Variants in SAXO1 observed in about 807,000 individuals in gnomAD.
SAXO1 encodes 4930500O09Rik.
A neutral mutation model predicts 17.5 loss-of-function variants in SAXO1; 21 were observed. The ratio of observed to expected loss-of-function variants is 1.20; its 90% CI spans 0.85 to 1.72. SAXO1 has a LOEUF of 1.72. SAXO1 is among the 40% of genes most tolerant of loss of function. The pLI, the probability that SAXO1 is intolerant of heterozygous loss-of-function variation, is 0.00. For missense variants in SAXO1, 843 were observed against 596.0 expected (o/e 1.41, Z -4.32); for synonymous variants, 274 against 216.5 (o/e 1.27, Z -2.33).
chr9:19,033,550 C>T (rs894066242), upstream of SAXO1, among the ~76,000 whole-genome samples: 5 of 152,228 alleles, frequency 3.3e-5, no homozygotes, highest in African/African-American at 1.2e-4. Context: ...AAAGGCTTGC[C>T]TTGAACAGGG....
intron 1 of SAXO1, among the ~76,000 whole-genome samples, chr9:19,022,136 G>C (rs796251701): frequency 4.6e-5 from 7 of 152,324 alleles, no homozygotes; most frequent in African/African-American, 1.7e-4. Context: ...GCAAGACCAC[G>C]AACCCACGGG....
chr9:19,011,848 G>GTTTTTTTTTTTTTTTTTTT lies in SAXO1; in HGVS notation c.38+21022_38+21023insAAAAAAAAAAAAAAAAAAA, dbSNP rs10646825. Among the ~76,000 whole-genome samples, 4 of 143,522 alleles carry GTTTTTTTTTTTTTTTTTTT rather than the reference G, an allele frequency of 2.8e-5. 1 individual carries two copies. The highest frequency in any genetic ancestry group is 4.5e-5 in the Non-Finnish European group (3 of 66,496). 94.2% of individuals were successfully genotyped at this position (143,522 alleles called of 152,430 possible). On this transcript the variant is annotated intron_variant, in intron 1 of 3. Transcript: ENST00000380534. Reference sequence around the variant, plus strand: ...TTCAATTTTACCATTATTAAGCATAGATTTTTTTTTTTTTTTGAGATGGAG... The same window carrying GTTTTTTTTTTTTTTTTTTT: ...TTCAATTTTACCATTATTAAGCATAGTTTTTTTTTTTTTTTTTTTATTTTTTTTTTTTTTTGAGATGGAG...
intron 1 of SAXO1, among the ~76,000 whole-genome samples, chr9:19,008,648 G>T (rs1834589728): frequency 6.6e-6 from 1 of 152,130 alleles, no homozygotes; most frequent in Admixed American, 6.5e-5. Flanking sequence ...AAATAACTGT[G>T]CCAGCTGTAA....
At chr9:19,043,751 G>C (rs1367398010) in intron 1 of SAXO1, among the ~76,000 whole-genome samples, 6 of 151,526 alleles carry the variant, frequency 4.0e-5, no homozygotes, top group African/African-American at 1.5e-4. Flanking sequence ...TTGGGCCACA[G>C]AGTAAGACCC....
At chr9:19,001,471 T>A (rs1379106805) in intron 1 of SAXO1, among the ~76,000 whole-genome samples, 1 of 151,976 alleles carries the variant, frequency 6.6e-6, no homozygotes, top group East Asian at 1.9e-4. Context: ...ATTGAGACCA[T>A]CCTGGCTACC....
chr9:19,022,039 C>T (rs973991815), intron 1 of SAXO1, among the ~76,000 whole-genome samples: 1 of 152,260 alleles, frequency 6.6e-6, no homozygotes, highest in African/African-American at 2.4e-5. Context: ...CACAATAAAT[C>T]TTGCTGCTGC....
At chr9:19,011,446 C>T (rs1834727981) in intron 1 of SAXO1, among the ~76,000 whole-genome samples, 1 of 152,232 alleles carries the variant, frequency 6.6e-6, no homozygotes, top group Admixed American at 6.5e-5. Context: ...GATGCACATG[C>T]AGATTGTCCC....
intron 1 of SAXO1, among the ~76,000 whole-genome samples, chr9:19,040,505 A>G (rs1476087401): frequency 6.6e-6 from 1 of 152,052 alleles, no homozygotes; most frequent in African/African-American, 2.4e-5. Context: ...TTAGCCAAGC[A>G]TAGTGGCACG....
chr9:18,961,433 T>C (rs200619830), intron 1 of SAXO1, among the ~76,000 whole-genome samples: 37 of 152,300 alleles, frequency 2.4e-4, no homozygotes, highest in Admixed American at 1.7e-3. Flanking sequence ...TGGTTTGCTG[T>C]ACCTATCAAC....
At chr9:18,964,787 T>C (rs1033435791) in intron 1 of SAXO1, among the ~76,000 whole-genome samples, 14 of 152,184 alleles carry the variant, frequency 9.2e-5, no homozygotes, top group African/African-American at 3.4e-4. Context: ...ATATTTCTTA[T>C]CTTCTGCTAG....
rs1588390638 is a variant in SAXO1, at chr9:18,929,030, T to C, written c.447A>G (p.Pro149=). ...GTTCCAGACGAAGTGGCTCTCGCCT[T>C]GGTTGGTTCCAAGGCAAATAATCAG... is the stretch of plus-strand genomic sequence containing the variant. ...YKADYLPWNQ[P]RREPLRLEHK... The change falls in exon 4 of 4, where the codon CCA becomes CCG. Residue 149 remains proline, a synonymous_variant. Transcript: ENST00000380534. The C allele has an allele frequency of 6.2e-7, 1 of 1,614,144 alleles. No homozygotes were observed. The highest frequency in any genetic ancestry group is 8.5e-7 in the Non-Finnish European group (1 of 1,180,030).
chr9:19,044,847 T>A (rs1327735826), intron 1 of SAXO1, among the ~76,000 whole-genome samples: 22 of 149,572 alleles, frequency 1.5e-4, no homozygotes, highest in Admixed American at 1.5e-3. Flanking sequence ...CGGGTGAGAG[T>A]GCGAGACTCC....
At chr9:18,937,186 A>C (rs969286859) in intron 3 of SAXO1, among the ~76,000 whole-genome samples, 1 of 152,234 alleles carries the variant, frequency 6.6e-6, no homozygotes, top group African/African-American at 2.4e-5. Flanking sequence ...GTGACCCCTC[A>C]TAAATGCATG....
rs191087891 is a variant in SAXO1, at chr9:19,024,607, A to T, written c.38+8264T>A. ...TTAAAGTATAATAATAATAAAATTTAAAAAAAAGTGGCAGAGCCAGCATTT... is the reference window on the plus strand; with the variant it reads ...TTAAAGTATAATAATAATAAAATTTTAAAAAAAGTGGCAGAGCCAGCATTT... On this transcript the variant is annotated intron_variant, in intron 1 of 3. Transcript: ENST00000380534. Among the ~76,000 whole-genome samples the T allele has an allele frequency of 6.8e-3, 1,035 of 151,862 alleles. 5 individuals are homozygous for T. The highest frequency in any genetic ancestry group is 0.011 in the Non-Finnish European group (739 of 67,964).
intron 2 of SAXO1, 93 bp from the exon 3 acceptor site, chr9:18,941,932 A>C: frequency 8.1e-7 from 1 of 1,239,960 alleles, no homozygotes; most frequent in Non-Finnish European, 1.2e-6. Flanking sequence ...ATTTGCTGAG[A>C]AGTCCTGTTC....
intron 1 of SAXO1, among the ~76,000 whole-genome samples, chr9:18,987,334 A>G (rs1234038877): frequency 6.6e-6 from 1 of 152,212 alleles, no homozygotes; most frequent in Admixed American, 6.5e-5. Context: ...GCAGGATGGC[A>G]ACAGCCCTGA....
chr9:19,027,534 C>A (rs1835543951), intron 1 of SAXO1: 1 of 1,035,576 alleles, frequency 9.7e-7, no homozygotes, highest in Middle Eastern at 2.0e-4. Flanking sequence ...ACGGAGAAGA[C>A]CCTCCTGGCC....
Sources: gnomAD v4.1 joint callset for allele counts (sites outside exome capture counted in the v4.1 genomes callset) on GRCh38, gnomAD v4.1.1 for gene constraint, MANE v1.5 for transcripts, NCBI Gene and HGNC (gene_info 2026-07-23, HGNC 2026-07-21) for gene names.